Variants in UNC80 observed in about 807,000 individuals in gnomAD.
UNC80 encodes the protein unc-80 subunit of NALCN channel complex.
Under a neutral mutation model 384.6 loss-of-function variants are expected in UNC80, and 164 were observed. The observed-to-expected ratio is 0.43, with a 90% CI of 0.38 to 0.49. The LOEUF is 0.49. UNC80 is among the 20% of genes least tolerant of loss of function. UNC80 has a pLI of 0.00. For synonymous variants in UNC80, 1,486 were observed against 1,527.8 expected (o/e 0.97, Z 0.64); for missense variants, 3,330 against 4,143.0 (o/e 0.80, Z 5.39).
chr2:209,925,827 G>A (rs2090390753), intron 35 of UNC80, among the ~76,000 whole-genome samples: 1 of 151,988 alleles, frequency 6.6e-6, no homozygotes, highest in African/African-American at 2.4e-5. Flanking sequence ...ACCTCTCAAA[G>A]CCCAGACTGA....
At chr2:209,971,273 G>A (rs1432716165) in intron 54 of UNC80, among the ~76,000 whole-genome samples, 1 of 152,100 alleles carries the variant, frequency 6.6e-6, no homozygotes, top group African/African-American at 2.4e-5. Flanking sequence ...TTAAAAGGCA[G>A]TAATATTCAC....
chr2:209,941,908 TA>T (rs1424875973), intron 44 of UNC80, among the ~76,000 whole-genome samples: 1 of 152,084 alleles, frequency 6.6e-6, no homozygotes, highest in Non-Finnish European at 1.5e-5. Context: ...ACCACATCTC[TA>T]AAACAAAAAA....
At chr2:209,992,716 G>A (rs2093415145) in intron 62 of UNC80, among the ~76,000 whole-genome samples, 2 of 152,186 alleles carry the variant, frequency 1.3e-5, no homozygotes, top group South Asian at 2.1e-4. Context: ...TTGTTATACA[G>A]TTGATTTAAG....
intron 59 of UNC80, among the ~76,000 whole-genome samples, chr2:209,981,592 A>G (rs1452815063): frequency 2.0e-5 from 3 of 151,748 alleles, no homozygotes; most frequent in Non-Finnish European, 2.9e-5. Context: ...CAAAAAACAA[A>G]CAAACCAAAA....
intron 5 of UNC80, among the ~76,000 whole-genome samples, chr2:209,789,102 A>G (rs910626613): frequency 1.3e-5 from 2 of 152,188 alleles, no homozygotes; most frequent in African/African-American, 4.8e-5. Flanking sequence ...AGGTGGCCAT[A>G]CCATCTAGGT....
At chr2:209,801,483 A>G (rs920037163) in intron 7 of UNC80, among the ~76,000 whole-genome samples, 1 of 147,562 alleles carries the variant, frequency 6.8e-6, no homozygotes, top group Admixed American at 7.0e-5. Context: ...CTTGGATTCA[A>G]GCGATTCTCC....
intron 50 of UNC80, 56 bp downstream of exon 50, chr2:209,959,210 C>T: frequency 6.6e-7 from 1 of 1,523,602 alleles, no homozygotes; most frequent in Non-Finnish European, 8.9e-7. Context: ...AGATGATTGC[C>T]TTTTAAGCTG....
intron 3 of UNC80, among the ~76,000 whole-genome samples, chr2:209,776,582 AAAAC>A (rs2076878552): frequency 6.6e-6 from 1 of 152,202 alleles, no homozygotes; most frequent in African/African-American, 2.4e-5. Flanking sequence ...CTCCGTCTCA[AAAAC>A]AAACAAACAA....
At chr2:209,866,206 T>C (rs867031233) in intron 22 of UNC80, among the ~76,000 whole-genome samples, 2 of 152,216 alleles carry the variant, frequency 1.3e-5, no homozygotes, top group Non-Finnish European at 1.5e-5. Context: ...ATTGAAAATA[T>C]ATAAGATAGA....
At chr2:209,859,408 C>A (rs1174238828) in intron 22 of UNC80, among the ~76,000 whole-genome samples, 1 of 152,078 alleles carries the variant, frequency 6.6e-6, no homozygotes, top group African/African-American at 2.4e-5. Flanking sequence ...GTATATGTAC[C>A]ACCTTTTCTT....
chr2:209,979,311 T>C (rs559652012), intron 59 of UNC80, among the ~76,000 whole-genome samples: 22 of 146,042 alleles, frequency 1.5e-4, no homozygotes, highest in Admixed American at 1.3e-3. Flanking sequence ...GTCAACTTTT[T>C]CCACTAACTC....
At chr2:209,779,134 C>G (rs1470506082) in intron 4 of UNC80, among the ~76,000 whole-genome samples, 1 of 152,134 alleles carries the variant, frequency 6.6e-6, no homozygotes, top group Non-Finnish European at 1.5e-5. Context: ...ACAGGTGATA[C>G]TTAGTAGGAA....
chr2:209,792,598 C>G (rs988459130), intron 6 of UNC80, among the ~76,000 whole-genome samples: 4 of 152,196 alleles, frequency 2.6e-5, no homozygotes, highest in Admixed American at 6.5e-5. Context: ...CCGCCCACCT[C>G]TGCCTCCCAA....
chr2:209,790,795 C>A (rs1454416163), intron 6 of UNC80, among the ~76,000 whole-genome samples: 1 of 152,170 alleles, frequency 6.6e-6, no homozygotes, highest in African/African-American at 2.4e-5. Flanking sequence ...ATACTTTCCT[C>A]TTACATAGAC....
intron 24 of UNC80, among the ~76,000 whole-genome samples, chr2:209,879,133 A>G (rs955324103): frequency 6.6e-6 from 1 of 152,084 alleles, no homozygotes; most frequent in African/African-American, 2.4e-5. Context: ...AAAACACCAA[A>G]TTATTATGTC....
chr2:209,784,528 G>A (rs2077318649), intron 4 of UNC80, among the ~76,000 whole-genome samples: 1 of 152,030 alleles, frequency 6.6e-6, no homozygotes, highest in South Asian at 2.1e-4. Context: ...GGCACACTTA[G>A]GGCCTTTGTG....
chr2:209,954,340 A>C (rs773663287), intron 48 of UNC80, 70 bp downstream of exon 48: 183 of 1,357,944 alleles, frequency 1.3e-4, no homozygotes, highest in Admixed American at 2.0e-4. Flanking sequence ...AAAATAAGAA[A>C]AAAATGTGAT....
At chr2:209,937,122 T>C (rs2091302822) in intron 41 of UNC80, among the ~76,000 whole-genome samples, 189 bp downstream of exon 41, 2 of 152,316 alleles carry the variant, frequency 1.3e-5, no homozygotes, top group South Asian at 4.1e-4. Context: ...GGTTTTCTTG[T>C]GTGTAAAATG....
At position 209,831,632 on chromosome 2, in the gene UNC80, C is replaced by T. The variant is rs145640530; in HGVS notation, c.2775+41C>T. ...CTCTTCCCACAGGAGCTCTCAGTCT[C>T]TGCCCTGAGAAAAGTACTCATTGTC... is the stretch of plus-strand genomic sequence containing the variant. On this transcript the variant is annotated intron_variant, in intron 16 of 64. Coordinates refer to ENST00000673920, the MANE Select transcript of UNC80 (RefSeq NM_001371986.1). 5.0e-5 allele frequency: 73 copies of T among 1,473,420 alleles called. No homozygotes were observed. In the African/African-American group the frequency reaches 9.1e-4, roughly 18 times the overall value. The allele number at this position is 1,473,420 out of a possible 1,614,324, so 91.3% of individuals were successfully genotyped here. A position where few individuals can be genotyped will look rare whatever the true frequency, so the allele number is the denominator to read the frequency against.
Sources: allele counts gnomAD v4.1 joint callset (sites outside exome capture counted in the v4.1 genomes callset), GRCh38; gene constraint gnomAD v4.1.1; transcripts MANE v1.5; gene names NCBI Gene and HGNC (gene_info 2026-07-23, HGNC 2026-07-21).